The following RPTOR variants were observed in gnomAD, a reference collection of about 807,000 sequenced individuals.
RPTOR encodes regulatory associated protein of MTOR complex 1.
In RPTOR, 21 loss-of-function variants were observed where a neutral mutation model predicts 169.9. That is an observed-to-expected ratio of 0.12 (90% CI 0.09 to 0.18). The LOEUF is 0.18. Among genes scored for constraint, RPTOR ranks in the 10% least tolerant of loss-of-function variants. RPTOR has a pLI of 1.00. For missense variants in RPTOR, 1,133 were observed against 1,855.9 expected (o/e 0.61, Z 7.16); for synonymous variants, 732 against 753.2 (o/e 0.97, Z 0.46).
In RPTOR at chr17:80,633,319, G is replaced by A. The variant is rs919932544; in HGVS notation, c.265+7526G>A. Among the ~76,000 whole-genome samples the A allele has an allele frequency of 9.2e-5, 14 of 152,192 alleles. No homozygotes were observed. Among genetic ancestry groups the A allele is most frequent in the Admixed American group, 2.0e-4 (3 of 15,286 alleles). On this transcript the variant is annotated intron_variant, in intron 2 of 33. Transcript: ENST00000306801. This position sits in a 1 kb window ranked among gnomAD's most constrained non-coding sequence, Gnocchi z 4.1. ...ACGTGTGACTGCCACGTAAGCGTCCGCTGCATGCAGGTTTGCCAGTGTCCC... is the reference window on the plus strand; with the variant it reads ...ACGTGTGACTGCCACGTAAGCGTCCACTGCATGCAGGTTTGCCAGTGTCCC...
intron 28 of RPTOR, among the ~76,000 whole-genome samples, chr17:80,956,948 G>A (rs965895887): frequency 6.6e-6 from 1 of 152,228 alleles, no homozygotes; most frequent in African/African-American, 2.4e-5. Context: ...GGACACCTTA[G>A]ACAGATGTTC....
chr17:80,678,071 A>C (rs114141842), intron 3 of RPTOR, among the ~76,000 whole-genome samples: 2,105 of 152,272 alleles, frequency 0.014, 51 homozygotes, highest in African/African-American at 0.048. Flanking sequence ...GACACAATAT[A>C]CTCCAACTTG....
chr17:80,819,109 G>A (rs1236260507), intron 7 of RPTOR, among the ~76,000 whole-genome samples: 2 of 152,134 alleles, frequency 1.3e-5, no homozygotes, highest in East Asian at 3.9e-4. Context: ...CACTTCTTCC[G>A]GAATGCAGCC....
rs962059487 is a variant in RPTOR, at chr17:80,957,084, G to A, written c.3371-540G>A. Among the ~76,000 whole-genome samples, 1 of 150,080 alleles carries A rather than the reference G, an allele frequency of 6.7e-6. No individual in the cohort carries two copies. Among genetic ancestry groups the A allele is most frequent in the Non-Finnish European group, 1.5e-5 (1 of 67,530 alleles). ...AGTTCCAGCTCAGAATTGTCACCCC[G>A]GCCTGGACTTGGGAGTTCCAGCTTA... On this transcript the variant is annotated intron_variant, in intron 28 of 33. Coordinates refer to ENST00000306801, the MANE Select transcript of RPTOR (RefSeq NM_020761.3). The surrounding 1 kb of genome is among the most constrained non-coding windows in gnomAD (Gnocchi z 4.6).
chr17:80,595,494 C>A (rs997209295), intron 1 of RPTOR, among the ~76,000 whole-genome samples: 1 of 152,174 alleles, frequency 6.6e-6, no homozygotes. Context: ...CTCGCTCATT[C>A]GCCCAGGCTA....
At chr17:80,909,346 G>A (rs989702632) in intron 21 of RPTOR, among the ~76,000 whole-genome samples, 2 of 152,030 alleles carry the variant, frequency 1.3e-5, no homozygotes, top group South Asian at 2.1e-4. Flanking sequence ...CTCCCAAAGT[G>A]CTGGGATTAC....
chr17:80,744,013 GCA>G (rs2066527458), intron 5 of RPTOR, among the ~76,000 whole-genome samples: 1 of 86,478 alleles, frequency 1.2e-5, no homozygotes, highest in Non-Finnish European at 2.6e-5. Flanking sequence ...CTGGTTACTA[GCA>G]CAGCCCTGGT....
intron 7 of RPTOR, chr17:80,801,615 A>G (rs1172653076): frequency 6.6e-6 from 1 of 152,238 alleles, no homozygotes; most frequent in Non-Finnish European, 1.5e-5. Flanking sequence ...GTTTGAAAGG[A>G]AAACTATCAA....
chr17:80,608,953 G>C (rs569130720), intron 1 of RPTOR, among the ~76,000 whole-genome samples: 1 of 152,260 alleles, frequency 6.6e-6, no homozygotes, highest in African/African-American at 2.4e-5. Flanking sequence ...TGTGAGAGTC[G>C]GGAATGAACA....
intron 9 of RPTOR, among the ~76,000 whole-genome samples, chr17:80,826,861 T>G (rs183093095): frequency 3.1e-4 from 47 of 152,394 alleles, no homozygotes; most frequent in African/African-American, 1.1e-3. Flanking sequence ...CCTGGGTGGC[T>G]TTGGGGTTTC....
At chr17:80,728,817 C>T (rs1346531958) in intron 4 of RPTOR, among the ~76,000 whole-genome samples, 3 of 151,652 alleles carry the variant, frequency 2.0e-5, no homozygotes, top group Non-Finnish European at 4.4e-5. Context: ...TTTGATTAGG[C>T]TTGGACTGAC....
At chr17:80,709,145 G>C (rs2066165055) in intron 4 of RPTOR, 1 of 944,750 alleles carries the variant, frequency 1.1e-6, no homozygotes, top group Non-Finnish European at 1.3e-6. Flanking sequence ...GCAGGGCACA[G>C]GGCAGTGCCA....
intron 6 of RPTOR, among the ~76,000 whole-genome samples, chr17:80,781,501 G>C (rs148169992): frequency 6.6e-6 from 1 of 152,158 alleles, no homozygotes; most frequent in African/African-American, 2.4e-5. Flanking sequence ...AATTTCCCAA[G>C]TCTAAAATAC....
chr17:80,681,067 A>G (rs9897426), intron 3 of RPTOR, among the ~76,000 whole-genome samples: 1 of 151,892 alleles, frequency 6.6e-6, no homozygotes, highest in Non-Finnish European at 1.5e-5. Context: ...CATGGGTTTG[A>G]CAGAGGTGAG....
chr17:80,554,532 A>G (rs1414806184), intron 1 of RPTOR, among the ~76,000 whole-genome samples: 3 of 152,082 alleles, frequency 2.0e-5, no homozygotes, highest in Non-Finnish European at 1.5e-5. Context: ...TCATGAGGTC[A>G]GGAGATCAAG....
intron 17 of RPTOR, 55 bp from the exon 18 acceptor site, chr17:80,891,662 GCTC>G: frequency 1.7e-6 from 2 of 1,185,800 alleles, no homozygotes; most frequent in Non-Finnish European, 2.5e-6. Context: ...TCTCACTGCT[GCTC>G]CACAATCATT....
chr17:80,794,384 G>A (rs1187953888), intron 7 of RPTOR, among the ~76,000 whole-genome samples: 1 of 152,208 alleles, frequency 6.6e-6, no homozygotes, highest in East Asian at 1.9e-4. Context: ...AAAACACAGT[G>A]AGACAGCACT....
Position 80,880,405 on chromosome 17 carries a change from T to C in RPTOR, c.1510-10T>C, listed in dbSNP as rs1305520837. On this transcript the variant is annotated splice_polypyrimidine_tract_variant and intron_variant, in intron 13 of 33. Transcript: ENST00000306801. ...CACTCACTGCCTCTCCTCTGTCTCTTTCTGTCCAGTCGTGCCAAGCGGACC... is the reference window on the plus strand; with the variant it reads ...CACTCACTGCCTCTCCTCTGTCTCTCTCTGTCCAGTCGTGCCAAGCGGACC... The C allele has an allele frequency of 3.7e-6, 6 of 1,613,658 alleles. No homozygotes were observed. The Admixed American group carries it at 8.3e-5, about 22-fold the overall frequency.
At chr17:80,743,892 G>GGCTACTAGCACTC (rs2066522398) in intron 5 of RPTOR, among the ~76,000 whole-genome samples, 2 of 72,388 alleles carry the variant, frequency 2.8e-5, no homozygotes, top group Non-Finnish European at 6.0e-5. Context: ...TACTAGCACT[G>GGCTACTAGCACTC]TCCTGGTTAC....
Sources: gnomAD v4.1 joint callset for allele counts (sites outside exome capture counted in the v4.1 genomes callset) on GRCh38, gnomAD v4.1.1 for gene constraint, Gnocchi (gnomAD v3.1) non-coding constraint, MANE v1.5 for transcripts, NCBI Gene and HGNC (gene_info 2026-07-23, HGNC 2026-07-21) for gene names.